The following BLTP3B variants were observed in gnomAD, a reference collection of about 807,000 sequenced individuals.
BLTP3B encodes UHRF1 (ICBP90) binding protein 1-like.
the BLTP3B span, among the ~76,000 whole-genome samples, chr12:100,136,409 G>C: frequency 6.6e-6 from 1 of 152,124 alleles, no homozygotes; most frequent in Non-Finnish European, 1.5e-5. Context: ...TACAGTTAGT[G>C]ATCCTACTCA....
the BLTP3B span, chr12:100,058,464 A>C: frequency 6.2e-7 from 1 of 1,613,382 alleles, no homozygotes; most frequent in South Asian, 1.1e-5. Flanking sequence ...GATATGGCTA[A>C]GGTCAACACT....
the BLTP3B span, among the ~76,000 whole-genome samples, chr12:100,041,429 CTTTTTTTT>C: frequency 1.3e-4 from 13 of 101,794 alleles, no homozygotes; most frequent in African/African-American, 5.1e-4. Flanking sequence ...GCTATTGTTA[CTTTTTTTT>C]TTTTTTTTTT....
chr12:100,125,257 C>T, the BLTP3B span, among the ~76,000 whole-genome samples: 1 of 146,116 alleles, frequency 6.8e-6, no homozygotes, highest in Non-Finnish European at 1.5e-5. Context: ...CGCTAGAACC[C>T]GGGAGGCAGA....
At chr12:100,053,734 G>A in the BLTP3B span, among the ~76,000 whole-genome samples, 1 of 152,002 alleles carries the variant, frequency 6.6e-6, no homozygotes. Context: ...AGACAGTAAG[G>A]GTGATATGAT....
the BLTP3B span, chr12:100,086,219 T>G: frequency 9.9e-6 from 11 of 1,112,402 alleles, 1 homozygote; most frequent in South Asian, 1.8e-4. Flanking sequence ...CTAAATAAAT[T>G]AGCTATATAA....
chr12:100,087,158 C>CAA, the BLTP3B span, among the ~76,000 whole-genome samples: 359 of 59,012 alleles, frequency 6.1e-3, 8 homozygotes, highest in Middle Eastern at 0.011. Flanking sequence ...GACTCCATCT[C>CAA]AAAAAAAAAA....
chr12:100,049,839 T>TAC, the BLTP3B span, among the ~76,000 whole-genome samples: 7 of 152,004 alleles, frequency 4.6e-5, no homozygotes, highest in East Asian at 1.9e-4. Context: ...TGTCTAGGTC[T>TAC]ACACACACAC....
chr12:100,059,979 AATGC>A, the BLTP3B span: 1 of 1,613,056 alleles, frequency 6.2e-7, no homozygotes, highest in Non-Finnish European at 8.5e-7. Context: ...TTAACCATAG[AATGC>A]TTCTTTCATC....
the BLTP3B span, among the ~76,000 whole-genome samples, chr12:100,056,664 C>G: frequency 6.6e-6 from 1 of 151,058 alleles, no homozygotes; most frequent in Admixed American, 6.6e-5. Context: ...ATGACGAAAC[C>G]CCATCCCTAG....
chr12:100,039,919 T>A, the BLTP3B span: 1 of 702,482 alleles, frequency 1.4e-6, no homozygotes, highest in Middle Eastern at 4.5e-4. Context: ...TAGTATGAGA[T>A]AGAACAACCA....
chr12:100,059,978 G>C, the BLTP3B span: 1 of 1,612,846 alleles, frequency 6.2e-7, no homozygotes, highest in Non-Finnish European at 8.5e-7. Context: ...TTTAACCATA[G>C]AATGCTTCTT....
chr12:100,060,818 C>T, the BLTP3B span, among the ~76,000 whole-genome samples: 1 of 152,030 alleles, frequency 6.6e-6, no homozygotes, highest in Non-Finnish European at 1.5e-5. Flanking sequence ...ATATTTATTC[C>T]TACAAAAGCT....
chr12:100,142,831 C>G, the BLTP3B span: 1 of 709,576 alleles, frequency 1.4e-6, no homozygotes, highest in Non-Finnish European at 2.2e-6. Context: ...GCCGCCACGG[C>G]CGCCGCGGGC....
At chr12:100,058,647 T>C in the BLTP3B span, 2 of 1,614,062 alleles carry the variant, frequency 1.2e-6, no homozygotes, top group Middle Eastern at 1.6e-4. Flanking sequence ...ATTTGCTTGA[T>C]CCACTGGATG....
chr12:100,103,247 A>G, the BLTP3B span, among the ~76,000 whole-genome samples: 11 of 152,122 alleles, frequency 7.2e-5, 1 homozygote, highest in Non-Finnish European at 1.5e-4. Context: ...ACAATCTAAG[A>G]TCTGAGCTAT....
chr12:100,080,059 G>A, the BLTP3B span, among the ~76,000 whole-genome samples: 1 of 152,234 alleles, frequency 6.6e-6, no homozygotes, highest in Non-Finnish European at 1.5e-5. Context: ...GCAGAATTTT[G>A]CAGCAGGGGT....
the BLTP3B span, among the ~76,000 whole-genome samples, chr12:100,073,483 AGCCAC>A: frequency 7.2e-5 from 11 of 151,788 alleles, no homozygotes; most frequent in Middle Eastern, 3.4e-3. Flanking sequence ...TACAGGCGTG[AGCCAC>A]TGCACCTAGC....
chr12:100,134,260 GTA>G, the BLTP3B span, among the ~76,000 whole-genome samples: 1 of 152,122 alleles, frequency 6.6e-6, no homozygotes. Flanking sequence ...ACTAAAACAT[GTA>G]TAGTCTAAAT....
At chr12:100,100,178 G>A in the BLTP3B span, among the ~76,000 whole-genome samples, 84 of 151,994 alleles carry the variant, frequency 5.5e-4, 1 homozygote, top group African/African-American at 2.0e-3. Context: ...GGTGGCGCAT[G>A]CCTGTAGTCC....
Sources: allele counts gnomAD v4.1 joint callset (sites outside exome capture counted in the v4.1 genomes callset), GRCh38; gene constraint gnomAD v4.1.1; transcripts MANE v1.5; gene names NCBI Gene and HGNC (gene_info 2026-07-23, HGNC 2026-07-21).